RAB27A: variants seen among roughly 807,000 people sequenced by gnomAD.
The protein encoded by RAB27A is RAB27A, member RAS oncogene family, also known as ras-related protein Rab-27A.
In RAB27A, 17 loss-of-function variants were observed where a neutral mutation model predicts 20.8. The ratio of observed to expected loss-of-function variants is 0.82; its 90% CI spans 0.56 to 1.23. The LOEUF (loss-of-function observed/expected upper bound fraction) is 1.23. RAB27A is among the 50% of genes most tolerant of loss of function. The pLI, the probability that RAB27A is intolerant of heterozygous loss-of-function variation, is 0.00. For missense variants in RAB27A, 277 were observed against 266.7 expected (o/e 1.04, Z -0.27); for synonymous variants, 85 against 92.8 (o/e 0.92, Z 0.48).
chr15:55,268,894 G>C (rs1291972867), intron 2 of RAB27A, among the ~76,000 whole-genome samples: 1 of 152,214 alleles, frequency 6.6e-6, no homozygotes, highest in Admixed American at 6.5e-5. Context: ...GACCTTTATA[G>C]AGGGAATCAA....
chr15:55,259,742 C>T (rs1292964372), intron 2 of RAB27A, among the ~76,000 whole-genome samples: 6 of 152,180 alleles, frequency 3.9e-5, no homozygotes, highest in Admixed American at 2.0e-4. Context: ...ATCGTCATAG[C>T]ACCATTTATT....
chr15:55,294,326 G>A (rs191865948), upstream of RAB27A, among the ~76,000 whole-genome samples: 8 of 152,140 alleles, frequency 5.3e-5, no homozygotes, highest in East Asian at 1.2e-3. Context: ...GGTAGCTCAC[G>A]CCTGTAATTT....
rs199958870 is a variant in RAB27A, at chr15:55,230,376, G to A, written c.239+25C>T. 4 of 1,570,562 alleles carry A rather than the reference G, an allele frequency of 2.5e-6. No homozygotes were observed. The African/African-American group carries it at 5.4e-5, about 21-fold the overall frequency. ...CTATTTTTCCCTTTCCTTCAGTAAG[G>A]AGCACATAACTGAAGATCTCATACC... On this transcript the variant is annotated intron_variant, in intron 4 of 6. Coordinates refer to ENST00000336787, the MANE Select transcript of RAB27A (RefSeq NM_183235.3).
chr15:55,243,667 G>C (rs61476959), intron 2 of RAB27A, among the ~76,000 whole-genome samples: 1,607 of 151,212 alleles, frequency 0.011, 36 homozygotes, highest in African/African-American at 0.037. Context: ...TCATGTCTCT[G>C]TAAGGACACT....
At chr15:55,298,583 G>A (rs910523423) in intron 2 of RAB27A, among the ~76,000 whole-genome samples, 9 of 152,144 alleles carry the variant, frequency 5.9e-5, no homozygotes, top group African/African-American at 2.2e-4. Context: ...GAAGTTTCAG[G>A]CACCAGTGTC....
At chr15:55,224,683 T>C (rs1566906319) in intron 5 of RAB27A, among the ~76,000 whole-genome samples, 1 of 152,210 alleles carries the variant, frequency 6.6e-6, no homozygotes, top group Non-Finnish European at 1.5e-5. Context: ...TAAAAAGCAA[T>C]TGACTCAAAC....
exon 2 of RAB27A, chr15:55,314,124 A>T (rs1362182968): frequency 6.7e-6 from 1 of 148,626 alleles, no homozygotes; most frequent in Non-Finnish European, 1.5e-5. Flanking sequence ...AAATCACGCC[A>T]TTGCACTCCA....
intron 2 of RAB27A, among the ~76,000 whole-genome samples, chr15:55,300,738 G>A (rs28445247): frequency 0.05 from 7,582 of 152,124 alleles, 639 homozygotes; most frequent in African/African-American, 0.18. Context: ...TAAAGGCAGG[G>A]GGCGAGGGCA....
At chr15:55,210,400 T>C (rs1894963015) in intron 6 of RAB27A, among the ~76,000 whole-genome samples, 1 of 147,554 alleles carries the variant, frequency 6.8e-6, no homozygotes. Flanking sequence ...CTATTGCCTG[T>C]ATTTAGGTGT....
At chr15:55,303,055 G>A (rs1417834537) in intron 2 of RAB27A, among the ~76,000 whole-genome samples, 19 of 145,656 alleles carry the variant, frequency 1.3e-4, no homozygotes, top group African/African-American at 2.8e-4. Context: ...CCCCCCGCCC[G>A]GCCAGCCGCG....
chr15:55,209,913 T>TCC lies in RAB27A; in HGVS notation c.468-4209_468-4208insGG, dbSNP rs1491472346. 4.2e-4 allele frequency among the ~76,000 whole-genome samples: 35 copies of TCC among 82,608 alleles called. 6 individuals are homozygous for TCC. Among genetic ancestry groups the TCC allele is most frequent in the African/African-American group, 3.2e-3 (31 of 9,592 alleles). The allele number at this position is 82,608 out of a possible 152,430, so 54.2% of individuals were successfully genotyped here. On this transcript the variant is annotated intron_variant, in intron 6 of 6. Coordinates refer to ENST00000336787, the MANE Select transcript of RAB27A (RefSeq NM_183235.3). ...ACATATATACACATATGTGTGTGTATGTATATACACACATATATGTATGTA... is the reference window on the plus strand; with the variant it reads ...ACATATATACACATATGTGTGTGTATCCGTATATACACACATATATGTATGTA...
chr15:55,227,674 C>G (rs895437496), intron 5 of RAB27A, among the ~76,000 whole-genome samples: 2 of 152,190 alleles, frequency 1.3e-5, no homozygotes, highest in East Asian at 3.9e-4. Context: ...AACACTGACC[C>G]GAATCTTTGC....
chr15:55,244,259 G>A (rs1161907887), intron 2 of RAB27A, among the ~76,000 whole-genome samples: 2 of 152,128 alleles, frequency 1.3e-5, no homozygotes, highest in African/African-American at 4.8e-5. Context: ...AGGTTGCAGT[G>A]AGCAGAGATA....
chr15:55,241,600 T>TTATATATATATATA (rs58693379), intron 2 of RAB27A, among the ~76,000 whole-genome samples: 28 of 123,872 alleles, frequency 2.3e-4, no homozygotes, highest in African/African-American at 9.8e-4. Flanking sequence ...CAAGACCTAT[T>TTATATATATATATA]TATATATATA....
chr15:55,309,404 A>G (rs914690195), intron 2 of RAB27A, among the ~76,000 whole-genome samples: 1 of 152,214 alleles, frequency 6.6e-6, no homozygotes, highest in African/African-American at 2.4e-5. Flanking sequence ...GAAATTTAAG[A>G]GCGCTTGGGT....
At chr15:55,312,727 A>G (rs770138788) in intron 2 of RAB27A, among the ~76,000 whole-genome samples, 43 of 152,206 alleles carry the variant, frequency 2.8e-4, no homozygotes, top group Non-Finnish European at 5.7e-4. Flanking sequence ...GGGGGATCAA[A>G]AGCAGCTTAC....
At chr15:55,215,917 G>A (rs1446205290) in intron 6 of RAB27A, among the ~76,000 whole-genome samples, 2 of 146,742 alleles carry the variant, frequency 1.4e-5, no homozygotes, top group South Asian at 2.1e-4. Flanking sequence ...CGGCACTCAA[G>A]GCTGGGCAAC....
chr15:55,250,227 G>C (rs1024255675), intron 2 of RAB27A, among the ~76,000 whole-genome samples: 1 of 152,030 alleles, frequency 6.6e-6, no homozygotes, highest in Non-Finnish European at 1.5e-5. Context: ...GCCTTCCAAG[G>C]TGCTGGGATT....
chr15:55,213,028 A>G (rs1432347894), intron 6 of RAB27A, among the ~76,000 whole-genome samples: 2 of 152,182 alleles, frequency 1.3e-5, no homozygotes, highest in Non-Finnish European at 2.9e-5. Context: ...TGACAAATTC[A>G]CCTTGCTTTT....
Sources: gnomAD v4.1 joint callset for allele counts (sites outside exome capture counted in the v4.1 genomes callset) on GRCh38, gnomAD v4.1.1 for gene constraint, MANE v1.5 for transcripts, NCBI Gene and HGNC (gene_info 2026-07-23, HGNC 2026-07-21) for gene names.